Variants in WWOX observed in about 807,000 individuals in gnomAD.
WWOX encodes WW domain containing oxidoreductase, also known as WW domain-containing oxidoreductase.
WWOX carries 69 observed loss-of-function variants against 46.2 expected under a neutral mutation model. That is an observed-to-expected ratio of 1.49 (90% CI 1.23 to 1.82). The LOEUF is 1.82. Ranked by LOEUF, WWOX falls within the 40% of genes most tolerant of loss-of-function variation. WWOX has a pLI of 0.00. For synonymous variants in WWOX, 359 were observed against 202.6 expected (o/e 1.77, Z -6.56); for missense variants, 919 against 542.6 (o/e 1.69, Z -6.89).
chr16:78,492,250 G>T (rs879913129), intron 8 of WWOX, among the ~76,000 whole-genome samples: 1 of 152,310 alleles, frequency 6.6e-6, no homozygotes, highest in Admixed American at 6.5e-5. Flanking sequence ...GGCAGTAGAG[G>T]TTGGACGAGA....
At chr16:79,103,993 A>C (rs1332197354) in intron 8 of WWOX, among the ~76,000 whole-genome samples, 2 of 122,570 alleles carry the variant, frequency 1.6e-5, no homozygotes, top group Non-Finnish European at 3.2e-5. Flanking sequence ...TCAGTAACCA[A>C]TCCTGAGCAA....
intron 8 of WWOX, among the ~76,000 whole-genome samples, chr16:78,973,424 C>G (rs756845153): frequency 1.3e-5 from 2 of 152,176 alleles, no homozygotes; most frequent in Non-Finnish European, 2.9e-5. Context: ...CAGAGCTACT[C>G]AATAATTAGC....
chr16:78,160,258 G>T (rs372890110), intron 4 of WWOX, among the ~76,000 whole-genome samples: 5 of 151,904 alleles, frequency 3.3e-5, no homozygotes, highest in African/African-American at 9.6e-5. Flanking sequence ...TCATCCTCCT[G>T]AGTAGCTGGG....
chr16:78,520,700 C>G (rs1210037609), intron 8 of WWOX, among the ~76,000 whole-genome samples: 5 of 151,942 alleles, frequency 3.3e-5, no homozygotes, highest in Non-Finnish European at 5.9e-5. Flanking sequence ...GTGGGGAGAG[C>G]TTCATGAATC....
At chr16:78,707,099 C>G (rs76823993) in intron 8 of WWOX, among the ~76,000 whole-genome samples, 1 of 152,166 alleles carries the variant, frequency 6.6e-6, no homozygotes, top group Non-Finnish European at 1.5e-5. Flanking sequence ...AATTGACATC[C>G]AGGTTATCAC....
At chr16:78,882,869 C>T (rs2044373114) in intron 8 of WWOX, among the ~76,000 whole-genome samples, 1 of 151,912 alleles carries the variant, frequency 6.6e-6, no homozygotes, top group Non-Finnish European at 1.5e-5. Context: ...GCAAAGACTT[C>T]CTGAGTGTCT....
At chr16:79,146,471 C>T (rs1432284411) in intron 8 of WWOX, among the ~76,000 whole-genome samples, 5 of 152,134 alleles carry the variant, frequency 3.3e-5, no homozygotes, top group Non-Finnish European at 5.9e-5. Flanking sequence ...GTAGAAGGGT[C>T]TTGAGATTTG....
intron 5 of WWOX, among the ~76,000 whole-genome samples, chr16:78,280,386 G>A (rs976168923): frequency 5.3e-5 from 8 of 152,242 alleles, no homozygotes; most frequent in African/African-American, 9.6e-5. Context: ...TAACTTCTGC[G>A]AAACAGGTAA....
At chr16:78,731,839 CTTTCTCTT>C (rs1294705243) in intron 8 of WWOX, among the ~76,000 whole-genome samples, 2 of 111,498 alleles carry the variant, frequency 1.8e-5, no homozygotes, top group African/African-American at 5.3e-5. Flanking sequence ...AATTTTTTTT[CTTTCTCTT>C]TTTTTTTTTT....
At chr16:78,244,148 C>A (rs1288339591) in intron 5 of WWOX, among the ~76,000 whole-genome samples, 3 of 152,156 alleles carry the variant, frequency 2.0e-5, no homozygotes, top group Non-Finnish European at 4.4e-5. Flanking sequence ...TCCCTTGATA[C>A]CTCGTAACCT....
intron 8 of WWOX, among the ~76,000 whole-genome samples, chr16:78,768,831 C>T (rs574345102): frequency 3.0e-4 from 45 of 152,040 alleles, no homozygotes; most frequent in Admixed American, 2.9e-3. Context: ...AGGTACTGAC[C>T]CTGAAGGGCT....
chr16:78,456,435 A>G (rs548508701), intron 8 of WWOX, among the ~76,000 whole-genome samples: 12 of 152,284 alleles, frequency 7.9e-5, no homozygotes, highest in Non-Finnish European at 1.5e-5. Context: ...AGCAATAGAA[A>G]ATATTTGATA....
intron 8 of WWOX, among the ~76,000 whole-genome samples, chr16:78,527,727 A>AGGGTCTTCTTTAGTTCAGT (rs71140807): frequency 2.0e-4 from 31 of 151,762 alleles, no homozygotes; most frequent in African/African-American, 7.5e-4. Flanking sequence ...CCTCATGAAC[A>AGGGTCTTCTTTAGTTCAGT]GGTTCTTGAT....
intron 8 of WWOX, among the ~76,000 whole-genome samples, chr16:78,940,759 C>T (rs140023553): frequency 6.0e-5 from 9 of 149,990 alleles, no homozygotes; most frequent in East Asian, 3.9e-4. Flanking sequence ...GTATTCATGA[C>T]GTCAAGTCCC....
chr16:78,435,477 G>A (rs2083314214), intron 8 of WWOX, among the ~76,000 whole-genome samples: 4 of 152,184 alleles, frequency 2.6e-5, no homozygotes, highest in Admixed American at 2.6e-4. Context: ...AAGATTAACT[G>A]CGCACTGAGC....
chr16:78,886,639 CATAT>C lies in WWOX; in HGVS notation c.1057-324954_1057-324951del, dbSNP rs3085495. 2.4e-3 allele frequency among the ~76,000 whole-genome samples: 346 copies of C among 144,830 alleles called. 1 individual carries two copies. Among genetic ancestry groups the C allele is most frequent in the African/African-American group, 5.1e-3 (200 of 39,490 alleles). The stretch of plus-strand genomic sequence containing the variant: ...CTATATAAAATATTACAAAGAAAAA[CATAT>C]ATATATATATATATGTAAAATATAT... On this transcript the variant is annotated intron_variant, in intron 8 of 8. Coordinates refer to ENST00000566780, the MANE Select transcript of WWOX (RefSeq NM_016373.4).
chr16:78,547,333 A>T (rs1039833695), intron 8 of WWOX, among the ~76,000 whole-genome samples: 1 of 152,086 alleles, frequency 6.6e-6, no homozygotes, highest in Non-Finnish European at 1.5e-5. Context: ...CCCAATTTAC[A>T]GATGAAAAAA....
intron 8 of WWOX, among the ~76,000 whole-genome samples, chr16:78,951,712 G>C (rs372096759): frequency 6.6e-6 from 1 of 152,190 alleles, no homozygotes; most frequent in African/African-American, 2.4e-5. Context: ...GGGGAACCAG[G>C]TGAGGGGGTT....
At chr16:78,801,617 A>G (rs2050892196) in intron 8 of WWOX, among the ~76,000 whole-genome samples, 1 of 152,206 alleles carries the variant, frequency 6.6e-6, no homozygotes, top group Admixed American at 6.5e-5. Context: ...CTCTCACCCC[A>G]CATTAACAAT....
Sources: allele counts gnomAD v4.1 joint callset (sites outside exome capture counted in the v4.1 genomes callset), GRCh38; gene constraint gnomAD v4.1.1; transcripts MANE v1.5; gene names NCBI Gene and HGNC (gene_info 2026-07-23, HGNC 2026-07-21).